Variants in LMLN observed in about 807,000 individuals in gnomAD.
LMLN encodes the protein leishmanolysin-like peptidase.
LMLN carries 70 observed loss-of-function variants against 92.3 expected under a neutral mutation model. The observed-to-expected ratio is 0.76, with a 90% CI of 0.63 to 0.92. The LOEUF is 0.92. Ranked by LOEUF, LMLN falls within the 40% of genes least tolerant of loss-of-function variation. The pLI, the probability that LMLN is intolerant of heterozygous loss-of-function variation, is 0.00. For synonymous variants in LMLN, 308 were observed against 296.2 expected, an observed-to-expected ratio of 1.04 and a Z score of -0.41; for missense variants, 691 against 814.6, an observed-to-expected ratio of 0.85 and a Z score of 1.85.
rs2109963513 is a variant in LMLN, at chr3:198,038,689, A to G, written c.*22A>G. 3.9e-6 allele frequency: 6 copies of G among 1,530,084 alleles called. No homozygotes were observed. The East Asian group carries it at 1.4e-4, about 34-fold the overall frequency. The allele number at this position is 1,530,084 out of a possible 1,614,324, so 94.8% of individuals were successfully genotyped here. ...CTAGGAATGGAAAAGTGGATCTTCA[A>G]GATATTCTTTTATGTTATGTTCTTG... On this transcript the variant is annotated 3_prime_UTR_variant, in exon 16 of 16. Transcript: ENST00000330198.
intron 8 of LMLN, 114 bp from the exon 9 acceptor site, chr3:197,990,445 A>G (rs1721833321): frequency 9.5e-6 from 5 of 523,968 alleles, no homozygotes; most frequent in Non-Finnish European, 1.7e-5. Flanking sequence ...AGGTTCTCAA[A>G]TATTTTAATT....
intron 14 of LMLN, among the ~76,000 whole-genome samples, chr3:198,033,075 A>C (rs954401218): frequency 6.6e-6 from 1 of 152,088 alleles, no homozygotes; most frequent in Non-Finnish European, 1.5e-5. Context: ...CTACCTGTAC[A>C]TCTACCCTCC....
chr3:197,999,499 C>G, intron 11 of LMLN, 157 bp downstream of exon 11: 2 of 606,760 alleles, frequency 3.3e-6, no homozygotes, highest in East Asian at 2.8e-5. Context: ...TTCATACCAA[C>G]TCCATTCATT....
chr3:197,976,568 T>A (rs768912585), intron 4 of LMLN, 30 bp from the exon 5 acceptor site: 1 of 1,274,174 alleles, frequency 7.8e-7, no homozygotes, highest in South Asian at 1.4e-5. Flanking sequence ...CTTTTTTGTA[T>A]TTAAACTTTG....
At chr3:198,001,697 G>A (rs970696357) in intron 11 of LMLN, among the ~76,000 whole-genome samples, 2 of 152,160 alleles carry the variant, frequency 1.3e-5, no homozygotes, top group South Asian at 2.1e-4. Flanking sequence ...AGTTTTGTTC[G>A]TTGACAGGAG....
At chr3:198,002,611 G>A (rs1281733744) in intron 11 of LMLN, among the ~76,000 whole-genome samples, 4 of 152,208 alleles carry the variant, frequency 2.6e-5, no homozygotes, top group Admixed American at 6.5e-5. Flanking sequence ...GGTGGTGCAT[G>A]CCTGTAGTCC....
chr3:198,027,665 C>G (rs1722970565), intron 14 of LMLN, among the ~76,000 whole-genome samples: 1 of 152,174 alleles, frequency 6.6e-6, no homozygotes, highest in African/African-American at 2.4e-5. Flanking sequence ...AGGGTTCATC[C>G]ACATTGTGCC....
intron 1 of LMLN, among the ~76,000 whole-genome samples, chr3:197,965,330 A>T (rs990856176): frequency 7.3e-5 from 11 of 150,542 alleles, no homozygotes; most frequent in Non-Finnish European, 1.5e-4. Flanking sequence ...AGATTATTTT[A>T]TTTATGGTTT....
chr3:197,993,738 C>G (rs899124749), intron 9 of LMLN, among the ~76,000 whole-genome samples: 1 of 151,966 alleles, frequency 6.6e-6, no homozygotes, highest in Non-Finnish European at 1.5e-5. Flanking sequence ...AAAAAATCCT[C>G]AAGTTCATAT....
intron 1 of LMLN, among the ~76,000 whole-genome samples, chr3:197,964,602 T>C (rs897744950): frequency 4.0e-5 from 6 of 151,886 alleles, no homozygotes; most frequent in African/African-American, 1.4e-4. Flanking sequence ...TTTCACCATG[T>C]TGGCCAGGAT....
At chr3:198,016,194 CAAAAA>C (rs202075630) in intron 11 of LMLN, among the ~76,000 whole-genome samples, 3 of 83,856 alleles carry the variant, frequency 3.6e-5, no homozygotes, top group Admixed American at 1.4e-4. Context: ...GTTGCAAAAA[CAAAAA>C]AAAAAAAAAA....
intron 1 of LMLN, among the ~76,000 whole-genome samples, chr3:197,965,862 C>G (rs1435553371): frequency 1.3e-5 from 2 of 152,058 alleles, no homozygotes; most frequent in East Asian, 3.9e-4. Context: ...CTGCAGTGAG[C>G]CAGGTTGGCA....
exon 16 of LMLN, chr3:198,039,064 T>C (rs1581192330): frequency 5.8e-6 from 1 of 171,466 alleles, no homozygotes; most frequent in South Asian, 1.2e-4. Flanking sequence ...ACCCAACCAC[T>C]TTCATCAGCA....
At chr3:198,033,408 T>A (rs1044771594) in intron 14 of LMLN, among the ~76,000 whole-genome samples, 2 of 143,448 alleles carry the variant, frequency 1.4e-5, no homozygotes, top group East Asian at 2.0e-4. Flanking sequence ...ATAAAAAAAA[T>A]TATTATTTTT....
intron 11 of LMLN, among the ~76,000 whole-genome samples, chr3:198,012,310 C>T (rs1376234521): frequency 6.6e-6 from 1 of 152,196 alleles, no homozygotes; most frequent in Non-Finnish European, 1.5e-5. Flanking sequence ...GCTGATCTGC[C>T]CGCCCTGGCT....
Position 197,977,233 on chromosome 3 carries a change from C to A in LMLN, c.549+518C>A, listed in dbSNP as rs114291578. Among the ~76,000 whole-genome samples, 333 of 152,252 alleles carry A rather than the reference C, an allele frequency of 2.2e-3. 3 individuals carry two copies. The highest frequency in any genetic ancestry group is 7.9e-3 in the African/African-American group (328 of 41,544). Reference sequence around the variant, plus strand: ...GCAGTTGTTAAAAAGTGAAGGAGATCTCTATGTACTGACTTGGAAAGATGT... The same window carrying A: ...GCAGTTGTTAAAAAGTGAAGGAGATATCTATGTACTGACTTGGAAAGATGT... On this transcript the variant is annotated intron_variant, in intron 5 of 15. Transcript: ENST00000330198.
At chr3:197,985,912 T>C (rs895933820) in intron 8 of LMLN, 22 bp downstream of exon 8, 23 of 1,433,296 alleles carry the variant, frequency 1.6e-5, no homozygotes, top group Non-Finnish European at 2.3e-5. Context: ...GTTGTTGCTC[T>C]TGTTCTCCTC....
intron 5 of LMLN, among the ~76,000 whole-genome samples, chr3:197,976,980 C>G (rs1050418862): frequency 1.3e-5 from 2 of 152,184 alleles, no homozygotes; most frequent in African/African-American, 4.8e-5. Flanking sequence ...ATTATCTTGT[C>G]TTCCAAAATA....
chr3:198,037,152 G>T (rs1277708846), intron 15 of LMLN, among the ~76,000 whole-genome samples: 1 of 152,186 alleles, frequency 6.6e-6, no homozygotes, highest in Non-Finnish European at 1.5e-5. Context: ...GCTCATCATA[G>T]TACTCATGGC....
Sources: allele counts gnomAD v4.1 joint callset (sites outside exome capture counted in the v4.1 genomes callset), GRCh38; gene constraint gnomAD v4.1.1; transcripts MANE v1.5; gene names NCBI Gene and HGNC (gene_info 2026-07-23, HGNC 2026-07-21).